DNAJC21: variants seen among roughly 807,000 people sequenced by gnomAD.
DNAJC21 encodes DnaJ heat shock protein family (Hsp40) member C21.
In DNAJC21, 63 loss-of-function variants were observed where a neutral mutation model predicts 72.4. The ratio of observed to expected loss-of-function variants is 0.87; its 90% CI spans 0.71 to 1.07. The LOEUF is 1.07. DNAJC21 is among the 50% of genes least tolerant of loss of function. DNAJC21 has a pLI of 0.00. For synonymous variants in DNAJC21, 203 were observed against 216.7 expected, an observed-to-expected ratio of 0.94 and a Z score of 0.56; for missense variants, 634 against 644.8, an observed-to-expected ratio of 0.98 and a Z score of 0.18.
In DNAJC21 at chr5:34,940,222, T is replaced by G. The variant is rs77745175; in HGVS notation, c.896-874T>G. On this transcript the variant is annotated intron_variant, in intron 6 of 11. Transcript: ENST00000648817. ...TTAGATCCAGAGTTTTTGCTTCAAATCCAGTATTGTTAACTATTCGATTAA... is the reference window on the plus strand; with the variant it reads ...TTAGATCCAGAGTTTTTGCTTCAAAGCCAGTATTGTTAACTATTCGATTAA... 1.8e-3 allele frequency among the ~76,000 whole-genome samples: 271 copies of G among 152,290 alleles called. 1 individual carries two copies. Among genetic ancestry groups the G allele is most frequent in the East Asian group, 0.013 (66 of 5,188 alleles).
At chr5:34,937,242 AG>A in intron 4 of DNAJC21, 83 bp from the exon 5 acceptor site, 1 of 1,382,972 alleles carries the variant, frequency 7.2e-7, no homozygotes, top group Non-Finnish European at 9.8e-7. Flanking sequence ...GAAAGGTAAA[AG>A]ATGTTTCGCA....
At position 34,938,870 on chromosome 5, in the gene DNAJC21, G is replaced by A. The variant is rs1366185393; in HGVS notation, c.756G>A (p.Gln252=). Residue 252 remains glutamine, a synonymous_variant, in exon 6 of 12, where the codon CAG becomes CAA. Coordinates refer to ENST00000648817, the MANE Select transcript of DNAJC21 (RefSeq NM_001012339.3). ...QKLKQAKLVE[Q]YREQSWMTMA... ...TGTATGTGTCTAGACTGGTGGAGCA[G>A]TACAGAGAACAGAGCTGGATGACTA... 6.2e-7 allele frequency: 1 copy of A among 1,613,680 alleles called. No homozygotes were observed. The highest frequency in any genetic ancestry group is 2.2e-5 in the East Asian group (1 of 44,878).
intron 10 of DNAJC21, 70 bp downstream of exon 10, chr5:34,950,412 CAAAT>C: frequency 3.9e-6 from 6 of 1,521,146 alleles, no homozygotes; most frequent in South Asian, 1.4e-5. Flanking sequence ...TTTCATATAT[CAAAT>C]AAAATCTTCT....
rs755352683 is a variant in DNAJC21 at position 34,944,912 on chromosome 5, C to T, written c.1029C>T (p.Ala343=). 1.2e-6 allele frequency: 2 copies of T among 1,613,912 alleles called. No individual in the cohort carries two copies. The highest frequency in any genetic ancestry group is 1.3e-5 in the African/African-American group (1 of 74,844). The change falls in exon 8 of 12, where the codon GCC becomes GCT. Residue 343 remains alanine, a synonymous_variant. Transcript: ENST00000648817. ...CAAAGAAGCATCGGGAAATGGTGGC[C>T]TTGCTAAAACAACAGCTGGAGGAGG... ...EKSKKHREMV[A]LLKQQLEEEE...
intron 9 of DNAJC21, among the ~76,000 whole-genome samples, chr5:34,948,829 C>T (rs1253883407): frequency 6.6e-6 from 1 of 151,804 alleles, no homozygotes; most frequent in Admixed American, 6.6e-5. Flanking sequence ...CACGCCACTG[C>T]ACTCCAGCCT....
chr5:34,939,321 A>T (rs1037475369), intron 6 of DNAJC21, among the ~76,000 whole-genome samples: 17 of 151,408 alleles, frequency 1.1e-4, no homozygotes, highest in Non-Finnish European at 2.2e-4. Context: ...TGCGGACTGC[A>T]GTGGCGCAAT....
rs543902700 is a variant in DNAJC21, at chr5:34,930,074, C to G, written c.97+158C>G. 9.0e-4 allele frequency: 432 copies of G among 478,662 alleles called. 1 individual carries two copies. Among genetic ancestry groups the G allele is most frequent in the African/African-American group, 8.1e-3 (392 of 48,268 alleles). The allele number at this position is 478,662 out of a possible 1,614,324, so 29.7% of individuals were successfully genotyped here. ...GGCCAGTGCCCGGAGCCGCCCTGCC[C>G]GTCTCGGTGGGCGAAGCGCTCTGCC... On this transcript the variant is annotated intron_variant, in intron 1 of 11. Transcript: ENST00000648817.
chr5:34,950,660 A>G, intron 10 of DNAJC21: 1 of 1,016,234 alleles, frequency 9.8e-7, no homozygotes, highest in Non-Finnish European at 1.2e-6. Flanking sequence ...TGACACTCAC[A>G]TGAGAACAAG....
chr5:34,937,649 GC>G lies in DNAJC21; in HGVS notation c.743+22del, dbSNP rs1764834186. The stretch of plus-strand genomic sequence containing the variant: ...AGGCCAAGTGCGTAGCGTGCGTGGG[GC>G]CCTCTTCTCAGTATCGGTGGGGGTC... On this transcript the variant is annotated intron_variant, in intron 5 of 11. Coordinates refer to ENST00000648817, the MANE Select transcript of DNAJC21 (RefSeq NM_001012339.3). 3.1e-6 allele frequency: 5 copies of G among 1,596,050 alleles called. No homozygotes were observed. In the African/African-American group the frequency reaches 4.0e-5, roughly 13 times the overall value.
intron 7 of DNAJC21, among the ~76,000 whole-genome samples, chr5:34,944,271 G>C (rs1413434864): frequency 1.3e-5 from 2 of 152,162 alleles, no homozygotes; most frequent in East Asian, 3.9e-4. Flanking sequence ...GACCTCTCCT[G>C]AGAAGGTGAA....
At chr5:34,943,673 G>T (rs1765074750) in intron 7 of DNAJC21, among the ~76,000 whole-genome samples, 1 of 152,148 alleles carries the variant, frequency 6.6e-6, no homozygotes, top group African/African-American at 2.4e-5. Flanking sequence ...GTTTTAGCTT[G>T]CGTCAGTCTT....
At chr5:34,954,163 C>A in intron 11 of DNAJC21, 162 bp downstream of exon 11, 3 of 577,622 alleles carry the variant, frequency 5.2e-6, no homozygotes, top group South Asian at 3.7e-5. Context: ...CTTTTTTTTT[C>A]ATTAAAATAA....
At chr5:34,952,658 C>T (rs1381851673) in intron 10 of DNAJC21, 2 of 152,028 alleles carry the variant, frequency 1.3e-5, no homozygotes, top group Non-Finnish European at 2.9e-5. Context: ...ACAAGAGGAA[C>T]CCAACTATAC....
At chr5:34,953,642 T>C in intron 10 of DNAJC21, 1 of 304,578 alleles carries the variant, frequency 3.3e-6, no homozygotes, top group East Asian at 7.4e-5. Flanking sequence ...TATCTCTGTA[T>C]AAAACATTCA....
chr5:34,952,124 T>C, intron 10 of DNAJC21: 1 of 310,344 alleles, frequency 3.2e-6, no homozygotes, highest in Non-Finnish European at 3.9e-6. Flanking sequence ...TTTTAAAAAA[T>C]GTGTGTGTGT....
At chr5:34,950,124 T>C in intron 9 of DNAJC21, 46 bp from the exon 10 acceptor site, 1 of 1,533,686 alleles carries the variant, frequency 6.5e-7, no homozygotes, top group Non-Finnish European at 8.8e-7. Flanking sequence ...AAGCTAGTAG[T>C]AGTATTATAT....
chr5:34,956,798 C>T lies in DNAJC21; in HGVS notation c.*2084C>T, dbSNP rs1450057053. ...TCATGGGTTGTGACTGGAAGCTGAC[C>T]TTAGTCTTGCGTCTCATCCTTTATG... On this transcript the variant is annotated 3_prime_UTR_variant, in exon 12 of 12. Coordinates refer to ENST00000648817, the MANE Select transcript of DNAJC21 (RefSeq NM_001012339.3). 6.6e-6 allele frequency: 1 copy of T among 152,144 alleles called. No homozygotes were observed. Among genetic ancestry groups the T allele is most frequent in the Non-Finnish European group, 1.5e-5 (1 of 68,034 alleles). The allele number at this position is 152,144 out of a possible 1,614,324, so 9.4% of individuals were successfully genotyped here. A position where few individuals can be genotyped will look rare whatever the true frequency, so the allele number is the denominator to read the frequency against.
chr5:34,954,069 A>T, intron 11 of DNAJC21, 68 bp downstream of exon 11: 2 of 1,420,740 alleles, frequency 1.4e-6, no homozygotes, highest in African/African-American at 1.4e-5. Context: ...TGATCTAAAG[A>T]TGGAAATGTG....
At chr5:34,949,434 T>C (rs1278926225) in intron 9 of DNAJC21, 11 of 1,506,066 alleles carry the variant, frequency 7.3e-6, no homozygotes, top group Admixed American at 2.0e-5. Flanking sequence ...TATATCCCTA[T>C]ACAGGAAAAG....
Sources: allele counts gnomAD v4.1 joint callset (sites outside exome capture counted in the v4.1 genomes callset), GRCh38; gene constraint gnomAD v4.1.1; transcripts MANE v1.5; gene names NCBI Gene and HGNC (gene_info 2026-07-23, HGNC 2026-07-21).